Variants in SGCZ observed in about 807,000 individuals in gnomAD.
SGCZ encodes the protein sarcoglycan zeta, also known as zeta-sarcoglycan.
SGCZ carries 40 observed loss-of-function variants against 41.3 expected under a neutral mutation model. The observed-to-expected ratio is 0.97, with a 90% CI of 0.75 to 1.26. SGCZ has a LOEUF of 1.26. Among genes scored for constraint, SGCZ ranks in the 50% most tolerant of loss-of-function variants. SGCZ has a pLI of 0.00. For synonymous variants in SGCZ, 206 were observed against 137.5 expected (o/e 1.50, Z -3.49); for missense variants, 552 against 369.8 (o/e 1.49, Z -4.04).
chr8:14,497,277 A>C (rs1802016365), intron 2 of SGCZ, among the ~76,000 whole-genome samples: 1 of 152,196 alleles, frequency 6.6e-6, no homozygotes, highest in Non-Finnish European at 1.5e-5. Context: ...GAAGCTTATA[A>C]TCATGGAAGA....
chr8:14,607,160 T>C (rs17119892), intron 1 of SGCZ, among the ~76,000 whole-genome samples: 8,319 of 152,172 alleles, frequency 0.055, 259 homozygotes, highest in South Asian at 0.14. Flanking sequence ...ACTCTGAAGA[T>C]TGAACAAAAC....
At chr8:14,106,223 A>G (rs1347999514) in intron 6 of SGCZ, among the ~76,000 whole-genome samples, 1 of 152,216 alleles carries the variant, frequency 6.6e-6, no homozygotes, top group Admixed American at 6.5e-5. Context: ...GCAGATGTGT[A>G]TCCTGTTCTA....
At chr8:14,792,981 C>CA (rs1192221423) in intron 1 of SGCZ, among the ~76,000 whole-genome samples, 4 of 152,168 alleles carry the variant, frequency 2.6e-5, no homozygotes, top group Non-Finnish European at 5.9e-5. Flanking sequence ...GAACTTCTGA[C>CA]ACTTACATTT....
At chr8:14,254,191 G>C (rs10112034) in intron 3 of SGCZ, among the ~76,000 whole-genome samples, 1,600 of 152,136 alleles carry the variant, frequency 0.011, 31 homozygotes, top group African/African-American at 0.037. Context: ...GTGAACCCTG[G>C]ATTTTGAGTT....
chr8:14,509,916 T>G (rs988686629), intron 2 of SGCZ, among the ~76,000 whole-genome samples: 2 of 151,896 alleles, frequency 1.3e-5, no homozygotes, highest in African/African-American at 4.8e-5. Context: ...AAGAACAGCA[T>G]GGGGGGACAC....
chr8:14,470,198 C>T (rs532312309), intron 2 of SGCZ, among the ~76,000 whole-genome samples: 25 of 152,030 alleles, frequency 1.6e-4, no homozygotes, highest in South Asian at 8.3e-4. Context: ...CTTCTCGCAA[C>T]GTTTGGTAAC....
intron 1 of SGCZ, among the ~76,000 whole-genome samples, chr8:14,729,358 A>T (rs2036821): frequency 0.38 from 57,876 of 151,894 alleles, 12,928 homozygotes; most frequent in African/African-American, 0.62. Context: ...GACTGAAGTG[A>T]GTACCCCCAA....
chr8:14,464,720 C>T (rs1801000371), intron 2 of SGCZ, among the ~76,000 whole-genome samples: 1 of 151,302 alleles, frequency 6.6e-6, no homozygotes, highest in Non-Finnish European at 1.5e-5. Flanking sequence ...GTCTTTTAAA[C>T]ATTTATAACT....
intron 1 of SGCZ, among the ~76,000 whole-genome samples, chr8:14,716,804 G>A (rs1288126120): frequency 6.6e-6 from 1 of 151,968 alleles, no homozygotes; most frequent in African/African-American, 2.4e-5. Context: ...GGGAAGCATG[G>A]TGCATTTTAT....
chr8:15,168,226 G>A (rs1260092723), intron 1 of SGCZ, among the ~76,000 whole-genome samples: 1 of 152,136 alleles, frequency 6.6e-6, no homozygotes, highest in Non-Finnish European at 1.5e-5. Flanking sequence ...GGAAAACTGG[G>A]TCTAAGGGAT....
intron 5 of SGCZ, among the ~76,000 whole-genome samples, chr8:14,133,114 G>A (rs1368875613): frequency 6.6e-6 from 1 of 152,098 alleles, no homozygotes; most frequent in Non-Finnish European, 1.5e-5. Flanking sequence ...CTTAGCCAGG[G>A]GACTGAGCCT....
chr8:14,445,590 C>G (rs765484271), intron 2 of SGCZ, among the ~76,000 whole-genome samples: 1 of 152,140 alleles, frequency 6.6e-6, no homozygotes, highest in African/African-American at 2.4e-5. Context: ...CACCACTCAA[C>G]AAAATTCTCC....
At chr8:15,076,007 G>A (rs1457154910) in intron 1 of SGCZ, among the ~76,000 whole-genome samples, 1 of 151,870 alleles carries the variant, frequency 6.6e-6, no homozygotes, top group Non-Finnish European at 1.5e-5. Context: ...GAGATAAAAT[G>A]TCGAGACATA....
At chr8:14,987,668 T>C (rs1046895311) in intron 1 of SGCZ, among the ~76,000 whole-genome samples, 5 of 151,984 alleles carry the variant, frequency 3.3e-5, no homozygotes, top group African/African-American at 1.2e-4. Context: ...TATTCTTTGA[T>C]CCTGGGCATC....
At chr8:14,214,102 T>C (rs1156521627) in intron 4 of SGCZ, among the ~76,000 whole-genome samples, 1 of 152,138 alleles carries the variant, frequency 6.6e-6, no homozygotes, top group African/African-American at 2.4e-5. Flanking sequence ...CACCAAGTAT[T>C]AATTCATGTT....
chr8:14,933,339 A>G (rs979497957), intron 1 of SGCZ, among the ~76,000 whole-genome samples: 2 of 151,978 alleles, frequency 1.3e-5, no homozygotes, highest in African/African-American at 2.4e-5. Context: ...GGGCTCATCT[A>G]AGGTGAGAGG....
intron 1 of SGCZ, among the ~76,000 whole-genome samples, chr8:15,091,232 G>A (rs1342262020): frequency 6.6e-6 from 1 of 152,028 alleles, no homozygotes; most frequent in East Asian, 1.9e-4. Flanking sequence ...TGTTGCCCAG[G>A]CTGGCCTGCA....
At chr8:14,973,364 CT>C (rs1801361860) in intron 1 of SGCZ, among the ~76,000 whole-genome samples, 1 of 152,102 alleles carries the variant, frequency 6.6e-6, no homozygotes. Flanking sequence ...CCCTTTGGTA[CT>C]TTTCCTTGCT....
At chr8:14,877,157 A>G (rs1186679098) in intron 1 of SGCZ, among the ~76,000 whole-genome samples, 1 of 151,996 alleles carries the variant, frequency 6.6e-6, no homozygotes, top group African/African-American at 2.4e-5. Context: ...ATATTTTAGT[A>G]GAGACAGGGC....
Sources: gnomAD v4.1 joint callset for allele counts (sites outside exome capture counted in the v4.1 genomes callset) on GRCh38, gnomAD v4.1.1 for gene constraint, MANE v1.5 for transcripts, NCBI Gene and HGNC (gene_info 2026-07-23, HGNC 2026-07-21) for gene names.